DLG2: variants seen among roughly 807,000 people sequenced by gnomAD.
The protein encoded by DLG2 is disks large homolog 2.
Under a neutral mutation model 132.5 loss-of-function variants are expected in DLG2, and 45 were observed. The ratio of observed to expected loss-of-function variants is 0.34; its 90% confidence interval spans 0.27 to 0.44. The LOEUF is 0.44. Among genes scored for constraint, DLG2 ranks in the 20% least tolerant of loss-of-function variants. The pLI is 1.00. For missense variants in DLG2, 1,045 were observed against 1,196.9 expected, an observed-to-expected ratio of 0.87 and a Z score of 1.87; for synonymous variants, 424 against 419.6, an observed-to-expected ratio of 1.01 and a Z score of -0.13.
intron 6 of DLG2, among the ~76,000 whole-genome samples, chr11:84,871,368 G>A (rs61897910): frequency 0.13 from 19,344 of 152,146 alleles, 1,676 homozygotes; most frequent in Non-Finnish European, 0.18. Flanking sequence ...ATATGACAGT[G>A]TGGTTTGGAA....
chr11:85,157,241 T>G (rs1403001444), intron 4 of DLG2, among the ~76,000 whole-genome samples: 1 of 152,136 alleles, frequency 6.6e-6, no homozygotes, highest in Non-Finnish European at 1.5e-5. Context: ...TGTGGGACCT[T>G]GTGATCATAT....
intron 6 of DLG2, among the ~76,000 whole-genome samples, chr11:84,642,413 G>T (rs2099668587): frequency 6.6e-6 from 1 of 151,926 alleles, no homozygotes; most frequent in African/African-American, 2.4e-5. Context: ...TACATATTTT[G>T]CTATAATGAG....
intron 12 of DLG2, among the ~76,000 whole-genome samples, chr11:83,976,542 A>C (rs535625436): frequency 4.4e-4 from 67 of 152,054 alleles, no homozygotes; most frequent in African/African-American, 1.6e-3. Flanking sequence ...GGAGAGCATT[A>C]ATAAATATTT....
At chr11:84,795,253 C>G (rs1472117868) in intron 6 of DLG2, among the ~76,000 whole-genome samples, 1 of 152,010 alleles carries the variant, frequency 6.6e-6, no homozygotes, top group Admixed American at 6.6e-5. Flanking sequence ...GAGCTGAACA[C>G]TCAGGACACT....
At chr11:83,813,032 C>T (rs1260249862) in intron 17 of DLG2, among the ~76,000 whole-genome samples, 1 of 152,106 alleles carries the variant, frequency 6.6e-6, no homozygotes, top group Non-Finnish European at 1.5e-5. Flanking sequence ...CACATTTAAC[C>T]CCCATAACAA....
chr11:85,261,200 A>G (rs1281435367), intron 4 of DLG2, among the ~76,000 whole-genome samples: 1 of 152,150 alleles, frequency 6.6e-6, no homozygotes, highest in African/African-American at 2.4e-5. Flanking sequence ...TTATAGGGTC[A>G]TGCTGGAGGG....
intron 6 of DLG2, among the ~76,000 whole-genome samples, chr11:84,830,441 G>A (rs1167396131): frequency 6.6e-6 from 1 of 150,500 alleles, no homozygotes; most frequent in Non-Finnish European, 1.5e-5. Flanking sequence ...AAAGTGTGTT[G>A]GAGGTGAAGT....
chr11:84,332,509 T>A (rs1193711724), intron 7 of DLG2, among the ~76,000 whole-genome samples: 2 of 56,808 alleles, frequency 3.5e-5, no homozygotes, highest in Non-Finnish European at 6.7e-5. Context: ...CGCGCCTGGC[T>A]TTTTTTTTTT....
intron 3 of DLG2, among the ~76,000 whole-genome samples, chr11:85,484,213 G>A (rs1347196618): frequency 8.5e-5 from 3 of 35,288 alleles, no homozygotes; most frequent in Non-Finnish European, 1.1e-4. Context: ...CGTTCCTCCC[G>A]ACCCCTCCAC....
At chr11:83,624,511 T>A (rs1030029439) in intron 19 of DLG2, among the ~76,000 whole-genome samples, 3 of 152,200 alleles carry the variant, frequency 2.0e-5, no homozygotes, top group African/African-American at 7.2e-5. Context: ...CTAATGGGTC[T>A]CAAAATATAA....
intron 16 of DLG2, among the ~76,000 whole-genome samples, chr11:83,861,275 T>G (rs1269742736): frequency 6.6e-6 from 1 of 152,190 alleles, no homozygotes; most frequent in African/African-American, 2.4e-5. Flanking sequence ...TTTACATTGT[T>G]GGTGGGAATG....
intron 6 of DLG2, among the ~76,000 whole-genome samples, chr11:84,914,887 CTCA>C (rs1441186252): frequency 6.6e-6 from 1 of 152,126 alleles, no homozygotes; most frequent in African/African-American, 2.4e-5. Flanking sequence ...CAGTGCCTGA[CTCA>C]TCATAAATAC....
intron 19 of DLG2, among the ~76,000 whole-genome samples, chr11:83,546,464 C>T (rs1465668): frequency 0.43 from 65,771 of 151,654 alleles, 14,363 homozygotes; most frequent in Middle Eastern, 0.53. Context: ...ATGGCACTAA[C>T]GCAAAAGGGT....
At chr11:84,747,103 G>T (rs1192685073) in intron 6 of DLG2, among the ~76,000 whole-genome samples, 1 of 152,132 alleles carries the variant, frequency 6.6e-6, no homozygotes, top group Non-Finnish European at 1.5e-5. Flanking sequence ...TTCTCCTAAG[G>T]TACATGGGTT....
chr11:84,617,665 T>C (rs1012865014), intron 6 of DLG2, among the ~76,000 whole-genome samples: 1 of 152,114 alleles, frequency 6.6e-6, no homozygotes, highest in Admixed American at 6.6e-5. Flanking sequence ...CTTTTTTTTA[T>C]GTTTTCATTC....
intron 7 of DLG2, among the ~76,000 whole-genome samples, chr11:84,491,105 T>A (rs1313176793): frequency 6.6e-6 from 1 of 151,806 alleles, no homozygotes; most frequent in Non-Finnish European, 1.5e-5. Flanking sequence ...TAGGAAGAGG[T>A]AGAATGTCAG....
chr11:83,624,394 C>T (rs1180354269), intron 19 of DLG2, among the ~76,000 whole-genome samples: 8 of 152,206 alleles, frequency 5.3e-5, no homozygotes, highest in African/African-American at 1.9e-4. Context: ...ATGACTCCTC[C>T]TTCTTTCTAT....
intron 11 of DLG2, among the ~76,000 whole-genome samples, chr11:84,033,290 A>G (rs919729285): frequency 2.6e-5 from 4 of 152,210 alleles, no homozygotes; most frequent in African/African-American, 9.6e-5. Flanking sequence ...CTCAACAAAA[A>G]CAGGAGTTTG....
chr11:84,964,088 GA>G (rs1324502423), intron 6 of DLG2, among the ~76,000 whole-genome samples: 5 of 151,790 alleles, frequency 3.3e-5, no homozygotes, highest in Non-Finnish European at 5.9e-5. Context: ...ATAAAAATAA[GA>G]AAAAACATTA....
Sources: allele counts gnomAD v4.1 joint callset (sites outside exome capture counted in the v4.1 genomes callset), GRCh38; gene constraint gnomAD v4.1.1; transcripts MANE v1.5; gene names NCBI Gene and HGNC (gene_info 2026-07-23, HGNC 2026-07-21).